Variants in IK observed in about 807,000 individuals in gnomAD.
IK encodes protein Red.
A neutral mutation model predicts 90.9 loss-of-function variants in IK; 47 were observed. The observed-to-expected ratio is 0.52, with a 90% CI of 0.41 to 0.66. The LOEUF (loss-of-function observed/expected upper bound fraction) is 0.66. IK is among the 30% of genes least tolerant of loss of function. The probability of loss-of-function intolerance (pLI) is 0.00; values close to 1 mark genes in which losing one functional copy is unlikely to be tolerated. For missense variants in IK, 385 were observed against 709.3 expected, an observed-to-expected ratio of 0.54 and a Z score of 5.19; for synonymous variants, 201 against 227.5, an observed-to-expected ratio of 0.88 and a Z score of 1.05.
At chr5:140,649,213 CTTT>C (rs1177181637) in intron 2 of IK, among the ~76,000 whole-genome samples, 2 of 132,706 alleles carry the variant, frequency 1.5e-5, no homozygotes, top group African/African-American at 5.6e-5. Context: ...TCTTTTCTTT[CTTT>C]TTTTTTTTTT....
intron 8 of IK, 39 bp downstream of exon 8, chr5:140,654,766 A>G: frequency 7.5e-7 from 1 of 1,325,988 alleles, no homozygotes; most frequent in African/African-American, 1.5e-5. Flanking sequence ...TGCATTCTGG[A>G]TGAATTGTAC....
At chr5:140,654,844 T>G in intron 8 of IK, 117 bp downstream of exon 8, 1 of 745,382 alleles carries the variant, frequency 1.3e-6, no homozygotes, top group Non-Finnish European at 2.2e-6. Context: ...TTCTTTCTTT[T>G]TGAGACAGTG....
chr5:140,660,452 C>CGAGATCT, intron 15 of IK: 1 of 541,482 alleles, frequency 1.8e-6, no homozygotes, highest in Non-Finnish European at 3.3e-6. Context: ...CATGCATCAC[C>CGAGATCT]ACACCTGGCT....
At chr5:140,651,575 C>CAA (rs35439932) in intron 2 of IK, 139 bp from the exon 3 acceptor site, 3,344 of 453,720 alleles carry the variant, frequency 7.4e-3, no homozygotes, top group Non-Finnish European at 8.5e-3. Context: ...GACTCCGTCT[C>CAA]AAAAAAAAAA....
intron 12 of IK, 34 bp downstream of exon 12, chr5:140,659,198 G>A (rs1757761654): frequency 1.9e-6 from 3 of 1,598,858 alleles, no homozygotes; most frequent in Non-Finnish European, 2.6e-6. Flanking sequence ...AGGTGATGGA[G>A]TTGCCCCTCT....
intron 16 of IK, 41 bp downstream of exon 16, chr5:140,660,856 T>C (rs372972043): frequency 1.2e-4 from 185 of 1,499,604 alleles, no homozygotes; most frequent in Admixed American, 5.0e-5. Flanking sequence ...TGGGCAGTTA[T>C]TATTTGTTTT....
Position 140,648,138 on chromosome 5 carries a change from C to G in IK, c.16+214C>G, listed in dbSNP as rs73271538. On this transcript the variant is annotated intron_variant, in intron 1 of 19. Coordinates refer to ENST00000417647, the MANE Select transcript of IK (RefSeq NM_006083.4). ...ACTCCGTCCCCAGTCCTCACTCCTACTCCAAGTGATGATGGGCGGCTTTTG... is the reference window on the plus strand; with the variant it reads ...ACTCCGTCCCCAGTCCTCACTCCTAGTCCAAGTGATGATGGGCGGCTTTTG... 1.3e-3 allele frequency: 914 copies of G among 716,926 alleles called. 2 individuals are homozygous for G. In the African/African-American group the frequency reaches 0.014, roughly 11 times the overall value. The allele number at this position is 716,926 out of a possible 1,614,324, so 44.4% of individuals were successfully genotyped here.
Sources: allele counts gnomAD v4.1 joint callset (sites outside exome capture counted in the v4.1 genomes callset), GRCh38; gene constraint gnomAD v4.1.1; transcripts MANE v1.5; gene names NCBI Gene and HGNC (gene_info 2026-07-23, HGNC 2026-07-21).